NALF1: variants seen among roughly 807,000 people sequenced by gnomAD.
NALF1 encodes the protein NALCN channel auxiliary factor 1.
NALF1 carries 3 observed loss-of-function variants against 48.4 expected under a neutral mutation model. The observed-to-expected ratio is 0.06, with a 90% CI of 0.03 to 0.16. The LOEUF (loss-of-function observed/expected upper bound fraction) is 0.16. Ranked by LOEUF, NALF1 falls within the 10% of genes least tolerant of loss-of-function variation. NALF1 has a pLI of 1.00. For synonymous variants in NALF1, 262 were observed against 245.7 expected, an observed-to-expected ratio of 1.07 and a Z score of -0.62; for missense variants, 526 against 571.5, an observed-to-expected ratio of 0.92 and a Z score of 0.81.
intron 2 of NALF1, among the ~76,000 whole-genome samples, chr13:107,202,574 T>C (rs1213085653): frequency 1.3e-5 from 2 of 152,158 alleles, no homozygotes; most frequent in Admixed American, 6.5e-5. Flanking sequence ...AAATTAGCCA[T>C]CTAAGCAAAA....
intron 1 of NALF1, among the ~76,000 whole-genome samples, chr13:107,530,601 T>A (rs574952930): frequency 2.5e-4 from 38 of 152,216 alleles, no homozygotes; most frequent in African/African-American, 8.4e-4. Flanking sequence ...ATGGACTCAT[T>A]CCACACAAAA....
At chr13:107,222,737 C>G (rs550131542) in intron 1 of NALF1, among the ~76,000 whole-genome samples, 1 of 152,204 alleles carries the variant, frequency 6.6e-6, no homozygotes, top group East Asian at 1.9e-4. Flanking sequence ...TAGGCAAGAC[C>G]CGAATATTAA....
At chr13:107,215,558 C>T (rs1034512569) in intron 1 of NALF1, among the ~76,000 whole-genome samples, 57 of 151,958 alleles carry the variant, frequency 3.8e-4, no homozygotes, top group African/African-American at 1.1e-3. Flanking sequence ...GGAGACAGAC[C>T]GAGGGGGAGT....
chr13:107,327,087 C>T (rs1187386568), intron 1 of NALF1, among the ~76,000 whole-genome samples: 1 of 152,206 alleles, frequency 6.6e-6, no homozygotes, highest in African/African-American at 2.4e-5. Flanking sequence ...GGGACTTTCA[C>T]TAAATTTTTA....
At chr13:107,667,580 T>C (rs979211779) in intron 1 of NALF1, among the ~76,000 whole-genome samples, 5 of 152,118 alleles carry the variant, frequency 3.3e-5, no homozygotes, top group Non-Finnish European at 7.4e-5. Flanking sequence ...AAAGCATATC[T>C]GAAGGTAGAG....
chr13:107,840,123 A>G (rs1880004182), intron 1 of NALF1, among the ~76,000 whole-genome samples: 1 of 152,198 alleles, frequency 6.6e-6, no homozygotes, highest in Non-Finnish European at 1.5e-5. Context: ...TTCTTCACGC[A>G]TTCAATCACT....
chr13:107,782,910 CAGGA>C (rs1877946409), intron 1 of NALF1, among the ~76,000 whole-genome samples: 1 of 150,968 alleles, frequency 6.6e-6, no homozygotes, highest in Non-Finnish European at 1.5e-5. Flanking sequence ...CCGCCCCGTC[CAGGA>C]GGGAGGTGGG....
intron 1 of NALF1, among the ~76,000 whole-genome samples, chr13:107,840,153 T>C (rs1431580547): frequency 6.6e-6 from 1 of 152,210 alleles, no homozygotes; most frequent in East Asian, 1.9e-4. Context: ...GTCAGTTAAA[T>C]GCAGTCGGCT....
At chr13:107,226,227 A>G (rs1880105341) in intron 1 of NALF1, among the ~76,000 whole-genome samples, 1 of 152,118 alleles carries the variant, frequency 6.6e-6, no homozygotes, top group African/African-American at 2.4e-5. Flanking sequence ...AGGGAAGCCA[A>G]TTGTATGTTA....
intron 1 of NALF1, among the ~76,000 whole-genome samples, chr13:107,857,979 A>G (rs1880479027): frequency 2.0e-5 from 3 of 152,222 alleles, no homozygotes; most frequent in African/African-American, 4.8e-5. Context: ...CATAGAAATT[A>G]TCGCCAATCT....
At chr13:107,587,967 A>G (rs1878504866) in intron 1 of NALF1, among the ~76,000 whole-genome samples, 1 of 152,118 alleles carries the variant, frequency 6.6e-6, no homozygotes, top group Non-Finnish European at 1.5e-5. Context: ...GTGTGCATGG[A>G]AGAATGAACG....
At chr13:107,317,977 T>C (rs1440886940) in intron 1 of NALF1, among the ~76,000 whole-genome samples, 2 of 152,036 alleles carry the variant, frequency 1.3e-5, no homozygotes, top group Non-Finnish European at 2.9e-5. Flanking sequence ...CAAAATCCAG[T>C]AGCATCAGTT....
At chr13:107,368,540 C>G (rs1391969099) in intron 1 of NALF1, among the ~76,000 whole-genome samples, 1 of 152,186 alleles carries the variant, frequency 6.6e-6, no homozygotes, top group Non-Finnish European at 1.5e-5. Flanking sequence ...CAATTCCACT[C>G]TTCGTCTCTT....
intron 1 of NALF1, among the ~76,000 whole-genome samples, chr13:107,391,848 T>C (rs955460716): frequency 6.6e-6 from 1 of 152,174 alleles, no homozygotes; most frequent in African/African-American, 2.4e-5. Context: ...CCTAAAAATA[T>C]ATAAAACCAA....
At position 107,168,427 on chromosome 13, in the gene NALF1, T is replaced by C. The variant is rs1203664298; in HGVS notation, c.*2070A>G. 6.6e-6 allele frequency: 1 copy of C among 152,346 alleles called. No individual in the cohort carries two copies. Among genetic ancestry groups the C allele is most frequent in the African/African-American group, 2.4e-5 (1 of 41,436 alleles). The allele number at this position is 152,346 out of a possible 1,614,324, so 9.4% of individuals were successfully genotyped here. A position where few individuals can be genotyped will look rare whatever the true frequency, so the allele number is the denominator to read the frequency against. On this transcript the variant is annotated 3_prime_UTR_variant, in exon 3 of 3. Coordinates refer to ENST00000375915, the MANE Select transcript of NALF1 (RefSeq NM_001080396.3). ...TCCCCAGAAAAGCACCATGTTTCCA[T>C]ACACTAAAATATGATGCCTATGTGT...
At chr13:107,394,545 G>A (rs1194107481) in intron 1 of NALF1, among the ~76,000 whole-genome samples, 1 of 152,100 alleles carries the variant, frequency 6.6e-6, no homozygotes, top group Non-Finnish European at 1.5e-5. Flanking sequence ...TCATTACCAG[G>A]GTAGTAAGGC....
At chr13:107,764,770 T>A (rs1013372846) in intron 1 of NALF1, among the ~76,000 whole-genome samples, 19 of 152,168 alleles carry the variant, frequency 1.2e-4, no homozygotes, top group African/African-American at 4.6e-4. Flanking sequence ...TGTCCAGTGA[T>A]GGATTGGGAT....
chr13:107,568,315 C>G (rs1877877952), intron 1 of NALF1, among the ~76,000 whole-genome samples: 3 of 152,164 alleles, frequency 2.0e-5, no homozygotes, highest in Admixed American at 2.0e-4. Context: ...GTTTTTCATT[C>G]TGTGGATATA....
At chr13:107,842,735 G>T (rs1394055094) in intron 1 of NALF1, among the ~76,000 whole-genome samples, 1 of 151,682 alleles carries the variant, frequency 6.6e-6, no homozygotes, top group African/African-American at 2.4e-5. Flanking sequence ...TCTGACAAAC[G>T]AGCAAAAATT....
Sources: allele counts gnomAD v4.1 joint callset (sites outside exome capture counted in the v4.1 genomes callset), GRCh38; gene constraint gnomAD v4.1.1; transcripts MANE v1.5; gene names NCBI Gene and HGNC (gene_info 2026-07-23, HGNC 2026-07-21).